The following DYNLRB1 variants were observed in gnomAD, a reference collection of about 807,000 sequenced individuals.
DYNLRB1 encodes the protein ROBL/LC7-like 1.
Under a neutral mutation model 13.5 loss-of-function variants are expected in DYNLRB1, and 6 were observed. The ratio of observed to expected loss-of-function variants is 0.44; its 90% CI spans 0.24 to 0.88. The LOEUF is 0.88. Ranked by LOEUF, DYNLRB1 falls within the 40% of genes least tolerant of loss-of-function variation. The pLI is 0.21. For synonymous variants in DYNLRB1, 43 were observed against 45.0 expected, an observed-to-expected ratio of 0.96 and a Z score of 0.18; for missense variants, 93 against 127.2, an observed-to-expected ratio of 0.73 and a Z score of 1.29.
intron 3 of DYNLRB1, among the ~76,000 whole-genome samples, chr20:34,537,975 C>G (rs114717209): frequency 7.4e-6 from 1 of 134,336 alleles, no homozygotes; most frequent in East Asian, 2.3e-4. Flanking sequence ...GAACCGCCCA[C>G]GTGAACAGGC....
chr20:34,536,345 GTGTGTTGACC>G (rs1292585534), intron 3 of DYNLRB1: 15 of 985,306 alleles, frequency 1.5e-5, no homozygotes, highest in Non-Finnish European at 1.8e-5. Context: ...GCCTGGTTGA[GTGTGTTGACC>G]TGGGTTGGGG....
intron 3 of DYNLRB1, among the ~76,000 whole-genome samples, chr20:34,538,800 CT>C (rs1981370977): frequency 6.6e-6 from 1 of 152,234 alleles, no homozygotes; most frequent in Non-Finnish European, 1.5e-5. Context: ...CACAAAGTGA[CT>C]TGGCTGAGGT....
At chr20:34,524,797 T>C (rs545238178) in intron 1 of DYNLRB1, among the ~76,000 whole-genome samples, 15 of 151,850 alleles carry the variant, frequency 9.9e-5, no homozygotes, top group East Asian at 7.8e-4. Context: ...GATCTCGGCT[T>C]ACTGCAAGCT....
intron 3 of DYNLRB1, 170 bp downstream of exon 3, chr20:34,534,965 A>G (rs1350668498): frequency 1.2e-5 from 17 of 1,472,262 alleles, no homozygotes; most frequent in East Asian, 2.5e-5. Flanking sequence ...CTGGTGTCCC[A>G]TAGCAGATCC....
chr20:34,523,820 A>G (rs1199618855), intron 1 of DYNLRB1, among the ~76,000 whole-genome samples: 1 of 152,182 alleles, frequency 6.6e-6, no homozygotes, highest in Admixed American at 6.5e-5. Flanking sequence ...GGCCTAGAAC[A>G]ATGTCTGGCA....
At chr20:34,536,583 A>G (rs903180514) in intron 3 of DYNLRB1, 187 of 594,050 alleles carry the variant, frequency 3.1e-4, no homozygotes, top group Non-Finnish European at 3.7e-4. Context: ...CGTCTCTACT[A>G]AAAATAAAAA....
At chr20:34,520,063 G>T (rs954923794) in intron 1 of DYNLRB1, among the ~76,000 whole-genome samples, 2 of 152,102 alleles carry the variant, frequency 1.3e-5, no homozygotes, top group African/African-American at 4.8e-5. Context: ...CGGGAGGCGG[G>T]GGTTGCAGTG....
At chr20:34,534,904 C>T (rs576746823) in intron 3 of DYNLRB1, 109 bp downstream of exon 3, 29 of 1,567,702 alleles carry the variant, frequency 1.8e-5, no homozygotes, top group Admixed American at 5.6e-5. Context: ...AAGCAGGGCC[C>T]GAGGAGTTGA....
intron 3 of DYNLRB1, chr20:34,535,386 C>T (rs771974915): frequency 2.6e-4 from 253 of 982,080 alleles, no homozygotes; most frequent in Non-Finnish European, 3.0e-4. Context: ...TTCCTTTACG[C>T]GAGGTGCTTG....
intron 2 of DYNLRB1, chr20:34,530,904 AC>A (rs1980666528): frequency 6.6e-6 from 1 of 152,062 alleles, no homozygotes; most frequent in Non-Finnish European, 1.5e-5. Context: ...CCTATGACAT[AC>A]CCAAGTCCCA....
chr20:34,529,720 ACT>A (rs1284890400), intron 2 of DYNLRB1: 1 of 845,748 alleles, frequency 1.2e-6, no homozygotes, highest in Non-Finnish European at 1.6e-6. Context: ...CAAGAATGAA[ACT>A]CGGTCTCAAA....
intron 3 of DYNLRB1, among the ~76,000 whole-genome samples, chr20:34,538,124 A>ATTTTT (rs538105358): frequency 5.6e-4 from 45 of 80,062 alleles, no homozygotes; most frequent in African/African-American, 2.0e-3. Flanking sequence ...CACACCCAGC[A>ATTTTT]TTTTTTTTTT....
At chr20:34,533,460 C>T in intron 2 of DYNLRB1, 1 of 985,436 alleles carries the variant, frequency 1.0e-6, no homozygotes, top group African/African-American at 1.7e-5. Flanking sequence ...CCAAGCCTCC[C>T]TTGGGTGGAA....
intron 2 of DYNLRB1, among the ~76,000 whole-genome samples, chr20:34,532,041 C>T (rs750294670): frequency 1.1e-4 from 17 of 152,146 alleles, no homozygotes; most frequent in Admixed American, 2.0e-4. Flanking sequence ...GGCGGGTTCC[C>T]GGCCAGGTAG....
At chr20:34,516,957 A>G in intron 1 of DYNLRB1, 1 of 1,343,676 alleles carries the variant, frequency 7.4e-7, no homozygotes, top group Non-Finnish European at 9.6e-7. Context: ...TGCCCCAGGA[A>G]ATAGTGGAGA....
rs369007976 is a variant in DYNLRB1 at position 34,536,457 on chromosome 20, C to T, written c.247+1662C>T. The stretch of plus-strand genomic sequence containing the variant: ...GGACAAAGCTTCACTCCCCAAAAGT[C>T]GGGCCGGGATGGAGCGCAGTGGCTC... On this transcript the variant is annotated intron_variant, in intron 3 of 3. Transcript: ENST00000357156. 29 of 985,212 alleles carry T rather than the reference C, an allele frequency of 2.9e-5. No homozygotes were observed. In the African/African-American group the frequency reaches 3.5e-4, roughly 12 times the overall value. 61.0% of individuals were successfully genotyped at this position (985,212 alleles called of 1,614,324 possible). A position where few individuals can be genotyped will look rare whatever the true frequency, so the allele number is the denominator to read the frequency against.
At chr20:34,516,125 GCT>G (rs1979143864), upstream of DYNLRB1, among the ~76,000 whole-genome samples, 1 of 152,146 alleles carries the variant, frequency 6.6e-6, no homozygotes, top group Admixed American at 6.5e-5. Context: ...GAACTCTTGG[GCT>G]CAAGCAATCC....
At chr20:34,534,549 C>A in intron 2 of DYNLRB1, 79 bp from the exon 3 acceptor site, 1 of 1,483,150 alleles carries the variant, frequency 6.7e-7, no homozygotes, top group Non-Finnish European at 9.0e-7. Context: ...TATTCCAGTT[C>A]TCCCCAATTA....
intron 1 of DYNLRB1, among the ~76,000 whole-genome samples, chr20:34,525,219 T>C (rs1002659672): frequency 1.3e-5 from 2 of 151,866 alleles, no homozygotes; most frequent in African/African-American, 4.8e-5. Flanking sequence ...AGCCTCTGTT[T>C]CTAACAACTC....
Sources: allele counts gnomAD v4.1 joint callset (sites outside exome capture counted in the v4.1 genomes callset), GRCh38; gene constraint gnomAD v4.1.1; transcripts MANE v1.5; gene names NCBI Gene and HGNC (gene_info 2026-07-23, HGNC 2026-07-21).